Variants in CDIN1 observed in about 807,000 individuals in gnomAD.
CDIN1 encodes CDAN1-interacting nuclease 1.
CDIN1 carries 33 observed loss-of-function variants against 45.3 expected under a neutral mutation model. The ratio of observed to expected loss-of-function variants is 0.73; its 90% CI spans 0.55 to 0.97. CDIN1 has a LOEUF of 0.97. Ranked by LOEUF, CDIN1 falls within the 50% of genes least tolerant of loss-of-function variation. The pLI, the probability that CDIN1 is intolerant of heterozygous loss-of-function variation, is 0.00. For missense variants in CDIN1, 303 were observed against 339.4 expected, an observed-to-expected ratio of 0.89 and a Z score of 0.84; for synonymous variants, 118 against 124.4, an observed-to-expected ratio of 0.95 and a Z score of 0.34.
intron 10 of CDIN1, among the ~76,000 whole-genome samples, chr15:36,788,116 T>A (rs1228555638): frequency 2.0e-3 from 254 of 126,878 alleles, no homozygotes; most frequent in Middle Eastern, 7.8e-3. Context: ...ATTTTTTTTT[T>A]TTTTTTTTTT....
intron 10 of CDIN1, among the ~76,000 whole-genome samples, chr15:36,744,983 C>G (rs570161065): frequency 4.8e-4 from 73 of 152,230 alleles, no homozygotes; most frequent in African/African-American, 1.7e-3. Context: ...ATCCATAAGT[C>G]AGGAAGCAGA....
chr15:36,618,187 T>C, intron 1 of CDIN1: 1 of 687,278 alleles, frequency 1.5e-6, no homozygotes, highest in Non-Finnish European at 2.7e-6. Flanking sequence ...TGAATATGGG[T>C]CGACCATTCC....
At chr15:36,634,652 A>T (rs888837560) in intron 1 of CDIN1, among the ~76,000 whole-genome samples, 4 of 152,134 alleles carry the variant, frequency 2.6e-5, no homozygotes, top group African/African-American at 9.7e-5. Context: ...AAGCCATCTC[A>T]TCTGCAAATA....
intron 10 of CDIN1, among the ~76,000 whole-genome samples, chr15:36,740,756 G>A (rs542727511): frequency 1.4e-3 from 213 of 152,168 alleles, no homozygotes; most frequent in Admixed American, 6.7e-3. Flanking sequence ...GGGCATGGTG[G>A]TGCATGCCTG....
At chr15:36,613,029 T>C (rs2038721288) in intron 1 of CDIN1, among the ~76,000 whole-genome samples, 1 of 152,240 alleles carries the variant, frequency 6.6e-6, no homozygotes, top group African/African-American at 2.4e-5. Flanking sequence ...TCAAAATTTC[T>C]AAGACTTAAT....
chr15:36,629,682 G>A (rs1017630078), intron 1 of CDIN1, among the ~76,000 whole-genome samples: 5 of 152,106 alleles, frequency 3.3e-5, no homozygotes, highest in African/African-American at 1.2e-4. Flanking sequence ...CTAGAATCCA[G>A]TCACTTCTGT....
intron 1 of CDIN1, among the ~76,000 whole-genome samples, chr15:36,601,806 G>C (rs555562885): frequency 6.6e-6 from 1 of 152,262 alleles, no homozygotes; most frequent in East Asian, 1.9e-4. Context: ...CTCTACCATT[G>C]TACTGCCTCC....
chr15:36,679,281 A>G (rs1334686019), intron 5 of CDIN1, among the ~76,000 whole-genome samples: 2 of 152,174 alleles, frequency 1.3e-5, no homozygotes, highest in Non-Finnish European at 2.9e-5. Context: ...TCTCAAGCCT[A>G]TGGCAGGGCC....
At chr15:36,677,392 T>C (rs2041685535) in intron 5 of CDIN1, among the ~76,000 whole-genome samples, 3 of 152,076 alleles carry the variant, frequency 2.0e-5, no homozygotes, top group Admixed American at 2.0e-4. Flanking sequence ...TTAGACTAAA[T>C]AAGGGCCACA....
At chr15:36,645,559 A>G (rs547525708) in intron 3 of CDIN1, among the ~76,000 whole-genome samples, 258 of 150,424 alleles carry the variant, frequency 1.7e-3, no homozygotes, top group African/African-American at 5.3e-3. Flanking sequence ...TGTAGTTATA[A>G]TATTATGAAA....
chr15:36,615,755 T>C (rs1476807500), intron 1 of CDIN1, among the ~76,000 whole-genome samples: 2 of 152,350 alleles, frequency 1.3e-5, no homozygotes, highest in Non-Finnish European at 2.9e-5. Flanking sequence ...GCTTAAAATT[T>C]AGTTTTTTAA....
At chr15:36,601,869 G>GA (rs1438787574) in intron 1 of CDIN1, among the ~76,000 whole-genome samples, 1 of 152,158 alleles carries the variant, frequency 6.6e-6, no homozygotes, top group Non-Finnish European at 1.5e-5. Flanking sequence ...GCTGCTCTCT[G>GA]AAAATTCGTC....
chr15:36,621,514 A>G (rs953637546), intron 1 of CDIN1, among the ~76,000 whole-genome samples: 6 of 152,198 alleles, frequency 3.9e-5, no homozygotes, highest in Non-Finnish European at 5.9e-5. Flanking sequence ...TTTAAAAATC[A>G]CCTACTAGGT....
chr15:36,602,662 G>T (rs2038162137), intron 1 of CDIN1, among the ~76,000 whole-genome samples: 1 of 152,148 alleles, frequency 6.6e-6, no homozygotes, highest in Non-Finnish European at 1.5e-5. Context: ...TGGTAAAGTG[G>T]TTCTAAAGTG....
At chr15:36,588,586 T>C (rs979279039) in intron 1 of CDIN1, among the ~76,000 whole-genome samples, 7 of 152,218 alleles carry the variant, frequency 4.6e-5, no homozygotes, top group Admixed American at 2.0e-4. Flanking sequence ...TCTAGGGTTA[T>C]TTCTGTATTA....
At chr15:36,693,455 C>G (rs891560215) in intron 7 of CDIN1, among the ~76,000 whole-genome samples, 2 of 152,126 alleles carry the variant, frequency 1.3e-5, no homozygotes, top group African/African-American at 4.8e-5. Context: ...GTTGCTAACA[C>G]TGAGAAAGTT....
chr15:36,670,579 C>A (rs764502596), intron 5 of CDIN1, among the ~76,000 whole-genome samples: 2 of 151,972 alleles, frequency 1.3e-5, no homozygotes, highest in African/African-American at 2.4e-5. Flanking sequence ...AAAACCAGAC[C>A]TTTGAGTTCT....
intron 1 of CDIN1, among the ~76,000 whole-genome samples, chr15:36,601,630 AATATG>A: frequency 6.6e-6 from 1 of 152,314 alleles, no homozygotes; most frequent in East Asian, 1.9e-4. Flanking sequence ...TGAGGTCACA[AATATG>A]GCAGTTTCCA....
intron 1 of CDIN1, among the ~76,000 whole-genome samples, chr15:36,597,373 A>T (rs1487440006): frequency 6.6e-6 from 1 of 152,106 alleles, no homozygotes; most frequent in East Asian, 1.9e-4. Context: ...TTTGATACAC[A>T]ACCTCTCTAC....
Sources: allele counts gnomAD v4.1 joint callset (sites outside exome capture counted in the v4.1 genomes callset), GRCh38; gene constraint gnomAD v4.1.1; transcripts MANE v1.5; gene names NCBI Gene and HGNC (gene_info 2026-07-23, HGNC 2026-07-21).